Variants in TBC1D5 observed in about 807,000 individuals in gnomAD.
TBC1D5 encodes the protein TBC1 domain family, member 5.
A neutral mutation model predicts 100.3 loss-of-function variants in TBC1D5; 75 were observed. That is an observed-to-expected ratio of 0.75 (90% confidence interval 0.62 to 0.91). The LOEUF is 0.91. Among genes scored for constraint, TBC1D5 ranks in the 40% least tolerant of loss-of-function variants. The pLI, the probability that TBC1D5 is intolerant of heterozygous loss-of-function variation, is 0.00. For missense variants in TBC1D5, 910 were observed against 942.4 expected (o/e 0.97, Z 0.45); for synonymous variants, 323 against 325.6 (o/e 0.99, Z 0.09).
intron 13 of TBC1D5, among the ~76,000 whole-genome samples, chr3:17,370,261 A>G (rs999732473): frequency 3.9e-5 from 6 of 152,236 alleles, no homozygotes; most frequent in East Asian, 1.9e-4. Context: ...TTTCAAAGAA[A>G]TGATAAACAT....
chr3:17,273,858 C>T (rs1057205122), intron 15 of TBC1D5, among the ~76,000 whole-genome samples: 20 of 150,000 alleles, frequency 1.3e-4, no homozygotes, highest in Non-Finnish European at 2.2e-4. Context: ...CCCAGTAACT[C>T]AATCAATAGT....
intron 17 of TBC1D5, among the ~76,000 whole-genome samples, chr3:17,236,140 A>T (rs549942206): frequency 2.0e-5 from 3 of 152,228 alleles, no homozygotes; most frequent in East Asian, 1.9e-4. Flanking sequence ...TGATATTAAT[A>T]CTTGACATTT....
chr3:17,690,061 CA>C (rs1000764630), intron 1 of TBC1D5, among the ~76,000 whole-genome samples: 5 of 151,386 alleles, frequency 3.3e-5, no homozygotes, highest in African/African-American at 7.3e-5. Context: ...ACATGGCCAA[CA>C]AAAAAACAGT....
At chr3:17,684,133 C>T (rs1322828248) in intron 1 of TBC1D5, among the ~76,000 whole-genome samples, 1 of 151,656 alleles carries the variant, frequency 6.6e-6, no homozygotes, top group Non-Finnish European at 1.5e-5. Flanking sequence ...TACTGAAGCA[C>T]ATTTAAAAAG....
intron 3 of TBC1D5, among the ~76,000 whole-genome samples, chr3:17,435,399 G>A (rs1293833638): frequency 6.6e-6 from 1 of 152,164 alleles, no homozygotes; most frequent in African/African-American, 2.4e-5. Flanking sequence ...TCAACTCACA[G>A]TTTCGCATGG....
chr3:17,397,713 T>A (rs1036071501), intron 8 of TBC1D5, among the ~76,000 whole-genome samples: 8 of 152,150 alleles, frequency 5.3e-5, no homozygotes, highest in African/African-American at 1.9e-4. Flanking sequence ...ACCATGGAGA[T>A]ACAAGTAAGA....
intron 18 of TBC1D5, among the ~76,000 whole-genome samples, chr3:17,193,027 C>T (rs920456502): frequency 6.6e-6 from 1 of 152,252 alleles, no homozygotes; most frequent in African/African-American, 2.4e-5. Context: ...TTTTGTATCA[C>T]TTTTCACTCC....
At chr3:17,589,911 GAGA>G (rs2096755675) in intron 2 of TBC1D5, among the ~76,000 whole-genome samples, 1 of 152,264 alleles carries the variant, frequency 6.6e-6, no homozygotes, top group Non-Finnish European at 1.5e-5. Flanking sequence ...AAAATATGGG[GAGA>G]AGGAGCCATA....
At chr3:17,269,147 C>T (rs769340947) in intron 15 of TBC1D5, among the ~76,000 whole-genome samples, 3 of 152,072 alleles carry the variant, frequency 2.0e-5, no homozygotes, top group Non-Finnish European at 4.4e-5. Flanking sequence ...TGGCAGCCAG[C>T]CCTGGATAGG....
intron 13 of TBC1D5, among the ~76,000 whole-genome samples, chr3:17,332,843 G>T (rs372583871): frequency 6.6e-6 from 1 of 152,128 alleles, no homozygotes; most frequent in South Asian, 2.1e-4. Context: ...GGTGCTGGGG[G>T]ATGACAGGCC....
intron 18 of TBC1D5, among the ~76,000 whole-genome samples, chr3:17,204,095 C>T (rs1022890185): frequency 1.3e-5 from 2 of 152,150 alleles, no homozygotes; most frequent in Non-Finnish European, 2.9e-5. Context: ...AATATAACTT[C>T]CTGGAAAAGT....
chr3:17,216,885 C>A (rs1364899112), intron 17 of TBC1D5, among the ~76,000 whole-genome samples: 1 of 152,118 alleles, frequency 6.6e-6, no homozygotes, highest in Non-Finnish European at 1.5e-5. Flanking sequence ...AGATATAATT[C>A]ATGTCATAAC....
chr3:17,214,359 T>C lies in TBC1D5; in HGVS notation c.1600A>G (p.Lys534Glu), dbSNP rs141098190. 6.2e-6 allele frequency: 10 copies of C among 1,612,544 alleles called. No homozygotes were observed. In the African/African-American group the frequency reaches 1.2e-4, roughly 19 times the overall value. Residue 534 changes from lysine (K) to glutamate (E), a missense_variant, in exon 18 of 22, where the codon AAA becomes GAA. By Grantham distance (56) the Lys-to-Glu change is moderately conservative. Coordinates refer to ENST00000253692, the Ensembl canonical transcript of TBC1D5. ...ACGCTTGGAGATGAACTGATGTTTT[T>C]AGAACTTAGCCCTGTAAGAAAAATT...
At chr3:17,236,938 T>C (rs1049075640) in intron 17 of TBC1D5, among the ~76,000 whole-genome samples, 2 of 152,230 alleles carry the variant, frequency 1.3e-5, no homozygotes, top group Admixed American at 1.3e-4. Flanking sequence ...CATGTGTGTG[T>C]ACACACACTC....
intron 1 of TBC1D5, among the ~76,000 whole-genome samples, chr3:17,724,064 C>T (rs1041265702): frequency 4.6e-5 from 7 of 151,456 alleles, no homozygotes; most frequent in Middle Eastern, 3.4e-3. Context: ...TATAGAAATC[C>T]CGATTGGCAA....
At chr3:17,594,226 T>G (rs2060419292) in intron 2 of TBC1D5, among the ~76,000 whole-genome samples, 1 of 152,094 alleles carries the variant, frequency 6.6e-6, no homozygotes, top group Admixed American at 6.5e-5. Context: ...CAAGATGAAA[T>G]CAGTGTACTA....
chr3:17,638,754 T>C (rs1171530156), intron 1 of TBC1D5, among the ~76,000 whole-genome samples: 1 of 152,128 alleles, frequency 6.6e-6, no homozygotes, highest in Non-Finnish European at 1.5e-5. Context: ...GAACATTTCA[T>C]AGCAGTGAAT....
intron 1 of TBC1D5, among the ~76,000 whole-genome samples, chr3:17,662,785 A>G (rs77922631): frequency 6.6e-6 from 1 of 152,118 alleles, no homozygotes; most frequent in Non-Finnish European, 1.5e-5. Flanking sequence ...TAAGGAAAGC[A>G]ATTTAGTGAG....
intron 3 of TBC1D5, among the ~76,000 whole-genome samples, chr3:17,487,378 AAAC>A (rs2095582699): frequency 6.6e-6 from 1 of 152,238 alleles, no homozygotes; most frequent in Non-Finnish European, 1.5e-5. Context: ...GAGTTAACAT[AAAC>A]AATATTTCCA....
Sources: gnomAD v4.1 joint callset for allele counts (sites outside exome capture counted in the v4.1 genomes callset) on GRCh38, gnomAD v4.1.1 for gene constraint, MANE v1.5 for transcripts, NCBI Gene and HGNC (gene_info 2026-07-23, HGNC 2026-07-21) for gene names.